The following SLC4A4 variants were observed in gnomAD, a reference collection of about 807,000 sequenced individuals.
SLC4A4 encodes the protein electrogenic sodium bicarbonate cotransporter 1.
A neutral mutation model predicts 111.5 loss-of-function variants in SLC4A4; 27 were observed. That is an observed-to-expected ratio of 0.24 (90% CI 0.18 to 0.33). The LOEUF is 0.33. SLC4A4 is among the 10% of genes least tolerant of loss of function. The pLI, the probability that SLC4A4 is intolerant of heterozygous loss-of-function variation, is 1.00. For synonymous variants in SLC4A4, 443 were observed against 463.4 expected, an observed-to-expected ratio of 0.96 and a Z score of 0.57; for missense variants, 909 against 1,315.5, an observed-to-expected ratio of 0.69 and a Z score of 4.78.
At chr4:71,112,011 A>G (rs1743103810) in intron 2 of SLC4A4, among the ~76,000 whole-genome samples, 1 of 152,204 alleles carries the variant, frequency 6.6e-6, no homozygotes, top group South Asian at 2.1e-4. Flanking sequence ...ATTTCTTAAT[A>G]TTCACAGACT....
At chr4:71,344,655 C>T (rs190444129) in intron 4 of SLC4A4, among the ~76,000 whole-genome samples, 2 of 152,252 alleles carry the variant, frequency 1.3e-5, no homozygotes, top group East Asian at 3.9e-4. Context: ...TATAAATCTA[C>T]AGCCCACAGA....
intron 6 of SLC4A4, among the ~76,000 whole-genome samples, chr4:71,381,951 A>C (rs1418187432): frequency 6.6e-6 from 1 of 152,210 alleles, no homozygotes; most frequent in African/African-American, 2.4e-5. Flanking sequence ...ATGAGAACGT[A>C]GAGACCGTCG....
chr4:71,236,249 TTG>T lies in SLC4A4; in HGVS notation c.-1-326_-1-325del. On this transcript the variant is annotated intron_variant, in intron 1 of 25. Coordinates refer to ENST00000264485, the MANE Select transcript of SLC4A4 (RefSeq NM_001098484.3). ...CTCTCTTGGTATTTTTTTTTTTTTTTTGCTTTCATCCTTTTTAAAAAGAATTT... is the reference window on the plus strand; with the variant it reads ...CTCTCTTGGTATTTTTTTTTTTTTTTCTTTCATCCTTTTTAAAAAGAATTT... 17 of 1,074,906 alleles carry T rather than the reference TTG, an allele frequency of 1.6e-5. No homozygotes were observed. In the South Asian group the frequency reaches 1.7e-4, roughly 11 times the overall value. The allele number at this position is 1,074,906 out of a possible 1,614,324, so 66.6% of individuals were successfully genotyped here.
intron 3 of SLC4A4, among the ~76,000 whole-genome samples, chr4:71,306,632 A>G (rs1262452528): frequency 6.6e-6 from 1 of 152,218 alleles, no homozygotes; most frequent in Non-Finnish European, 1.5e-5. Flanking sequence ...AAAAAATTAA[A>G]TGCAAAGAAC....
rs1019423819 is a variant in SLC4A4, at chr4:71,555,356, T to A, written c.2763+148T>A. On this transcript the variant is annotated intron_variant, in intron 21 of 25. Transcript: ENST00000264485. ...ATTTTCTACTTCACCATTCACCTGC[T>A]TTTCATTTCTGGTTTAATCAACAAG... 5 of 723,872 alleles carry A rather than the reference T, an allele frequency of 6.9e-6. No individual in the cohort carries two copies. In the African/African-American group the frequency reaches 8.7e-5, roughly 13 times the overall value. 44.8% of individuals were successfully genotyped at this position (723,872 alleles called of 1,614,324 possible). A position where few individuals can be genotyped will look rare whatever the true frequency, so the allele number is the denominator to read the frequency against.
intron 3 of SLC4A4, among the ~76,000 whole-genome samples, chr4:71,271,854 T>C (rs1722723302): frequency 6.6e-6 from 1 of 152,248 alleles, no homozygotes; most frequent in African/African-American, 2.4e-5. Context: ...TTATTCTGCA[T>C]ATTTTATTTT....
chr4:71,352,763 G>A (rs1219675414), intron 5 of SLC4A4, among the ~76,000 whole-genome samples: 2 of 152,188 alleles, frequency 1.3e-5, no homozygotes, highest in African/African-American at 2.4e-5. Context: ...AGATATTTCT[G>A]CATGTCACCT....
intron 23 of SLC4A4, among the ~76,000 whole-genome samples, chr4:71,562,757 T>G (rs1486467674): frequency 6.6e-6 from 1 of 151,828 alleles, no homozygotes; most frequent in Non-Finnish European, 1.5e-5. Flanking sequence ...ACATTTAAGA[T>G]TAATATTGTT....
chr4:71,412,368 T>C (rs1445938513), intron 7 of SLC4A4, among the ~76,000 whole-genome samples: 2 of 152,282 alleles, frequency 1.3e-5, no homozygotes, highest in East Asian at 3.9e-4. Context: ...CCAAAACTTT[T>C]AGAGATGAGA....
intron 2 of SLC4A4, among the ~76,000 whole-genome samples, chr4:71,175,657 G>A (rs1745068814): frequency 6.6e-6 from 1 of 152,242 alleles, no homozygotes; most frequent in South Asian, 2.1e-4. Context: ...GCTGAGGCTT[G>A]AGTAGGTAAA....
At chr4:71,542,309 G>A (rs1376762904) in intron 18 of SLC4A4, among the ~76,000 whole-genome samples, 1 of 151,968 alleles carries the variant, frequency 6.6e-6, no homozygotes, top group African/African-American at 2.4e-5. Flanking sequence ...CTCAAACCTG[G>A]ATTATAACAG....
At chr4:71,150,864 G>C (rs115965827) in intron 2 of SLC4A4, among the ~76,000 whole-genome samples, 1 of 152,060 alleles carries the variant, frequency 6.6e-6, no homozygotes, top group African/African-American at 2.4e-5. Flanking sequence ...GCGCTCAAAG[G>C]TCTGGAATCT....
At chr4:71,459,639 G>A (rs1263806259) in intron 12 of SLC4A4, among the ~76,000 whole-genome samples, 1 of 152,020 alleles carries the variant, frequency 6.6e-6, no homozygotes, top group Non-Finnish European at 1.5e-5. Flanking sequence ...ACAAAAAAAT[G>A]TAGGTGATTA....
chr4:71,285,310 A>G (rs996999954), intron 3 of SLC4A4, among the ~76,000 whole-genome samples: 2 of 152,194 alleles, frequency 1.3e-5, no homozygotes, highest in Admixed American at 6.5e-5. Context: ...GACTCTCGGT[A>G]ACCTCTTAGG....
At chr4:71,172,199 C>G (rs1744962946) in intron 2 of SLC4A4, among the ~76,000 whole-genome samples, 1 of 152,064 alleles carries the variant, frequency 6.6e-6, no homozygotes, top group Non-Finnish European at 1.5e-5. Context: ...AAAACAATCT[C>G]CCTCTTCCAA....
intron 1 of SLC4A4, among the ~76,000 whole-genome samples, chr4:71,075,695 C>T (rs964184118): frequency 6.6e-6 from 1 of 152,114 alleles, no homozygotes; most frequent in African/African-American, 2.4e-5. Context: ...CACGGCCGGG[C>T]GCGGTGGCTC....
At chr4:71,303,286 A>T (rs1004516155) in intron 3 of SLC4A4, among the ~76,000 whole-genome samples, 3 of 152,220 alleles carry the variant, frequency 2.0e-5, no homozygotes, top group Non-Finnish European at 4.4e-5. Flanking sequence ...AGAAAAGCAG[A>T]TTGGTCATCT....
chr4:71,531,810 G>A (rs1472966274), intron 16 of SLC4A4, among the ~76,000 whole-genome samples: 1 of 149,724 alleles, frequency 6.7e-6, no homozygotes, highest in South Asian at 2.1e-4. Context: ...CACACAGAAA[G>A]AGAGAGAGAG....
Position 71,339,082 on chromosome 4 carries a change from C to A in SLC4A4, c.254-288C>A, listed in dbSNP as rs1049753016. ...GGGGAAGTGAGTGGTTAGACCTCAG[C>A]TCATCTGAGGGCTAAAGGTTCTTTG... On this transcript the variant is annotated intron_variant, in intron 3 of 25. Transcript: ENST00000264485. 4 of 1,575,988 alleles carry A rather than the reference C, an allele frequency of 2.5e-6. No homozygotes were observed. The African/African-American group carries it at 5.4e-5, about 21-fold the overall frequency.
Sources: allele counts gnomAD v4.1 joint callset (sites outside exome capture counted in the v4.1 genomes callset), GRCh38; gene constraint gnomAD v4.1.1; transcripts MANE v1.5; gene names NCBI Gene and HGNC (gene_info 2026-07-23, HGNC 2026-07-21).